Variants in TMEM132C observed in about 807,000 individuals in gnomAD.
TMEM132C encodes transmembrane protein 132C, also known as protein phosphatase 1, regulatory subunit 152.
A neutral mutation model predicts 61.4 loss-of-function variants in TMEM132C; 29 were observed. The observed-to-expected ratio is 0.47, with a 90% CI of 0.35 to 0.64. The LOEUF is 0.64. Ranked by LOEUF, TMEM132C falls within the 30% of genes least tolerant of loss-of-function variation. The pLI is 0.00. For synonymous variants in TMEM132C, 656 were observed against 633.1 expected (o/e 1.04, Z -0.54); for missense variants, 1,408 against 1,476.9 (o/e 0.95, Z 0.76).
intron 5 of TMEM132C, among the ~76,000 whole-genome samples, chr12:128,674,587 G>A (rs1351638501): frequency 6.6e-6 from 1 of 152,156 alleles, no homozygotes; most frequent in Non-Finnish European, 1.5e-5. Flanking sequence ...ATATCTGAGG[G>A]TTTCCTCTCC....
chr12:128,304,266 G>A (rs1157921311), intron 1 of TMEM132C, among the ~76,000 whole-genome samples: 5 of 151,920 alleles, frequency 3.3e-5, no homozygotes, highest in Non-Finnish European at 7.4e-5. Flanking sequence ...AATGGCATTT[G>A]TGTGTGCATC....
At chr12:128,549,158 T>G (rs1207428273) in intron 3 of TMEM132C, among the ~76,000 whole-genome samples, 1 of 151,948 alleles carries the variant, frequency 6.6e-6, no homozygotes, top group African/African-American at 2.4e-5. Context: ...TTGAGCTGAG[T>G]GTCTGTCTGT....
chr12:128,530,886 T>C (rs1873272093), intron 2 of TMEM132C, among the ~76,000 whole-genome samples: 5 of 152,254 alleles, frequency 3.3e-5, no homozygotes. Flanking sequence ...GTTTCTAACA[T>C]AGATTAATGT....
At chr12:128,395,521 A>G (rs1180341045) in intron 1 of TMEM132C, among the ~76,000 whole-genome samples, 1 of 152,224 alleles carries the variant, frequency 6.6e-6, no homozygotes, top group African/African-American at 2.4e-5. Context: ...TTGAAAATAC[A>G]TTTAATACAC....
chr12:128,640,157 A>G (rs1037095816), intron 4 of TMEM132C, among the ~76,000 whole-genome samples: 2 of 152,116 alleles, frequency 1.3e-5, no homozygotes, highest in South Asian at 2.1e-4. Context: ...TGCCTGCCCA[A>G]CCTCTGTAAG....
intron 2 of TMEM132C, among the ~76,000 whole-genome samples, chr12:128,510,907 G>A (rs1022544390): frequency 1.3e-5 from 2 of 152,224 alleles, no homozygotes; most frequent in African/African-American, 4.8e-5. Context: ...GGCCTGCAAT[G>A]CGATGCTGTG....
chr12:128,460,428 A>C (rs1489967187), intron 2 of TMEM132C, among the ~76,000 whole-genome samples: 2 of 152,104 alleles, frequency 1.3e-5, no homozygotes, highest in African/African-American at 2.4e-5. Context: ...TTCAAGCCAA[A>C]GTCTTGGAGC....
rs562223713 is a variant in TMEM132C at position 128,440,710 on chromosome 12, A to C, written c.974+25090A>C. Among the ~76,000 whole-genome samples, 14 of 152,352 alleles carry C rather than the reference A, an allele frequency of 9.2e-5. No individual in the cohort carries two copies. In the South Asian group the frequency reaches 2.7e-3, roughly 29 times the overall value. On this transcript the variant is annotated intron_variant, in intron 2 of 8. Coordinates refer to ENST00000435159, the MANE Select transcript of TMEM132C (RefSeq NM_001136103.3). ...TGAGTTTCTAGCTTCTGTCTTGTGAAGATGACAATGGGGACCATTCTCCTG... is the reference window on the plus strand; with the variant it reads ...TGAGTTTCTAGCTTCTGTCTTGTGACGATGACAATGGGGACCATTCTCCTG...
At chr12:128,467,206 C>T (rs145856199) in intron 2 of TMEM132C, among the ~76,000 whole-genome samples, 3 of 152,120 alleles carry the variant, frequency 2.0e-5, no homozygotes, top group Non-Finnish European at 2.9e-5. Flanking sequence ...TCTCAGACTC[C>T]GGGTATGTTG....
chr12:128,528,423 C>T (rs1283355062), intron 2 of TMEM132C, among the ~76,000 whole-genome samples: 1 of 152,164 alleles, frequency 6.6e-6, no homozygotes, highest in African/African-American at 2.4e-5. Flanking sequence ...AGGCTCACAG[C>T]GTCATAATCT....
At chr12:128,277,977 C>A (rs1239717584) in intron 1 of TMEM132C, among the ~76,000 whole-genome samples, 1 of 152,112 alleles carries the variant, frequency 6.6e-6, no homozygotes, top group Non-Finnish European at 1.5e-5. Flanking sequence ...GAGATGGGCA[C>A]TGCAATAGTA....
intron 3 of TMEM132C, among the ~76,000 whole-genome samples, chr12:128,574,105 A>G (rs1875003022): frequency 6.6e-6 from 1 of 152,034 alleles, no homozygotes; most frequent in African/African-American, 2.4e-5. Context: ...TGGAACCCAC[A>G]TGCTCTCCAC....
intron 5 of TMEM132C, among the ~76,000 whole-genome samples, chr12:128,683,595 A>G (rs1954651956): frequency 6.6e-6 from 1 of 152,196 alleles, no homozygotes; most frequent in Non-Finnish European, 1.5e-5. Context: ...CCTCACCTGT[A>G]AAATGGTTTG....
intron 3 of TMEM132C, among the ~76,000 whole-genome samples, chr12:128,555,985 G>A (rs1026999778): frequency 2.0e-5 from 3 of 152,170 alleles, no homozygotes; most frequent in African/African-American, 4.8e-5. Flanking sequence ...CCAAAGTGCT[G>A]AGGTTACAGG....
intron 2 of TMEM132C, among the ~76,000 whole-genome samples, chr12:128,426,703 C>T (rs1432024703): frequency 6.6e-6 from 1 of 152,138 alleles, no homozygotes; most frequent in East Asian, 1.9e-4. Flanking sequence ...CCCTGTCCCC[C>T]TCCGCAGCTC....
At chr12:128,582,999 C>A (rs1351397266) in intron 3 of TMEM132C, among the ~76,000 whole-genome samples, 3 of 152,152 alleles carry the variant, frequency 2.0e-5, no homozygotes, top group Non-Finnish European at 4.4e-5. Context: ...AATGTTTACA[C>A]TTTATGGAAC....
At chr12:128,650,785 T>C (rs1208091835) in intron 4 of TMEM132C, among the ~76,000 whole-genome samples, 1 of 152,170 alleles carries the variant, frequency 6.6e-6, no homozygotes. Flanking sequence ...GGAGTCATCA[T>C]GGTCACTCAT....
intron 4 of TMEM132C, among the ~76,000 whole-genome samples, chr12:128,665,859 AT>A: frequency 6.9e-6 from 1 of 144,898 alleles, no homozygotes; most frequent in East Asian, 2.1e-4. Context: ...ACACACACAC[AT>A]ACACACAGGC....
At chr12:128,381,849 A>G (rs550131234) in intron 1 of TMEM132C, among the ~76,000 whole-genome samples, 15 of 152,292 alleles carry the variant, frequency 9.8e-5, no homozygotes, top group African/African-American at 3.4e-4. Context: ...TTTGTCAGCA[A>G]TGAAAAGCGG....
Sources: gnomAD v4.1 joint callset for allele counts (sites outside exome capture counted in the v4.1 genomes callset) on GRCh38, gnomAD v4.1.1 for gene constraint, MANE v1.5 for transcripts, NCBI Gene and HGNC (gene_info 2026-07-23, HGNC 2026-07-21) for gene names.